FAM227A: variants seen among roughly 807,000 people sequenced by gnomAD.
FAM227A encodes the protein family with sequence similarity 227 member A, also known as protein FAM227A.
In FAM227A, 80 loss-of-function variants were observed where a neutral mutation model predicts 74.7. The ratio of observed to expected loss-of-function variants is 1.07; its 90% CI spans 0.89 to 1.29. The LOEUF is 1.29. FAM227A is among the 50% of genes most tolerant of loss of function. FAM227A has a pLI of 0.00. For synonymous variants in FAM227A, 237 were observed against 241.8 expected (o/e 0.98, Z 0.19); for missense variants, 654 against 683.4 (o/e 0.96, Z 0.48).
chr22:38,638,972 TATCTG>T, intron 4 of FAM227A, 150 bp from the exon 5 acceptor site: 1 of 564,754 alleles, frequency 1.8e-6, no homozygotes, highest in South Asian at 2.5e-5. Flanking sequence ...GTTGCCGACT[TATCTG>T]ATTAGACCAC....
intron 5 of FAM227A, among the ~76,000 whole-genome samples, chr22:38,637,038 A>G (rs1261313575): frequency 2.0e-5 from 3 of 152,112 alleles, no homozygotes; most frequent in Non-Finnish European, 4.4e-5. Context: ...TCAGCCTCCT[A>G]AAGTGCTATC....
chr22:38,639,791 G>T, intron 3 of FAM227A, 67 bp from the exon 4 acceptor site: 1 of 1,112,230 alleles, frequency 9.0e-7, no homozygotes. Flanking sequence ...GTGGGGTTAG[G>T]GTCTAGGCGT....
chr22:38,636,609 GAGC>G lies in FAM227A; in HGVS notation c.373-15_373-13del. 3 of 1,549,676 alleles carry G rather than the reference GAGC, an allele frequency of 1.9e-6. No individual in the cohort carries two copies. Among genetic ancestry groups the G allele is most frequent in the Non-Finnish European group, 2.6e-6 (3 of 1,146,126 alleles). On this transcript the variant is annotated splice_polypyrimidine_tract_variant and intron_variant, in intron 5 of 16. Transcript: ENST00000535113. ...TTATCTGCTGTTTTCTGAAGCAAAA[GAGC>G]AGAATATGAAAATGGGGTTCACATT...
At chr22:38,595,375 A>G (rs1159740953) in intron 15 of FAM227A, among the ~76,000 whole-genome samples, 1 of 152,214 alleles carries the variant, frequency 6.6e-6, no homozygotes, top group Non-Finnish European at 1.5e-5. Flanking sequence ...TGGCTCCATG[A>G]AAGAGTTATA....
At chr22:38,598,578 T>C (rs549626949) in intron 14 of FAM227A, among the ~76,000 whole-genome samples, 2 of 152,220 alleles carry the variant, frequency 1.3e-5, no homozygotes, top group Non-Finnish European at 1.5e-5. Context: ...TTTGCGGACA[T>C]GCAGTTCTGT....
At position 38,645,688 on chromosome 22, in the gene FAM227A, A is replaced by G. The variant is rs544596565; in HGVS notation, c.143-43T>C. 1.9e-5 allele frequency: 24 copies of G among 1,281,454 alleles called. No individual in the cohort carries two copies. In the African/African-American group the frequency reaches 3.3e-4, roughly 17 times the overall value. The allele number at this position is 1,281,454 out of a possible 1,614,324, so 79.4% of individuals were successfully genotyped here. On this transcript the variant is annotated intron_variant, in intron 2 of 16. Coordinates refer to ENST00000535113, the MANE Select transcript of FAM227A (RefSeq NM_001013647.2). ...TAAGGAAACTCAGGGTGATGATTAC[A>G]CACACAACAGGATGGGGCTTGTCTG... is the stretch of plus-strand genomic sequence containing the variant.
In FAM227A at chr22:38,583,620, G is replaced by T. The variant is rs1273058879; in HGVS notation, c.*2505C>A. On this transcript the variant is annotated 3_prime_UTR_variant, in exon 17 of 17. Coordinates refer to ENST00000535113, the MANE Select transcript of FAM227A (RefSeq NM_001013647.2). Reference sequence around the variant, plus strand: ...CCTAGGCAGGCATTCCCTTTCTGCAGTCAAGAAAGCACGTTCAGAAAGGTC... The same window carrying T: ...CCTAGGCAGGCATTCCCTTTCTGCATTCAAGAAAGCACGTTCAGAAAGGTC... The T allele has an allele frequency of 6.6e-6, 1 of 152,298 alleles. No homozygotes were observed. The highest frequency in any genetic ancestry group is 1.5e-5 in the Non-Finnish European group (1 of 68,126). 9.4% of individuals were successfully genotyped at this position (152,298 alleles called of 1,614,324 possible).
chr22:38,620,541 C>T (rs1011322197), intron 10 of FAM227A, among the ~76,000 whole-genome samples: 14 of 152,234 alleles, frequency 9.2e-5, no homozygotes, highest in African/African-American at 2.9e-4. Flanking sequence ...CGGTGGCTCA[C>T]GCCTGTAATC....
intron 2 of FAM227A, among the ~76,000 whole-genome samples, chr22:38,646,132 T>C (rs946702357): frequency 2.0e-5 from 3 of 151,486 alleles, no homozygotes; most frequent in African/African-American, 7.3e-5. Context: ...AAATTATAAA[T>C]GAGAGTTGAC....
chr22:38,611,956 G>A (rs1463988993), intron 11 of FAM227A, among the ~76,000 whole-genome samples: 3 of 152,120 alleles, frequency 2.0e-5, no homozygotes, highest in African/African-American at 7.2e-5. Context: ...GCACCATTCA[G>A]ATGCTGAAGC....
intron 11 of FAM227A, among the ~76,000 whole-genome samples, chr22:38,609,961 CAG>C (rs1491259068): frequency 6.6e-6 from 1 of 152,124 alleles, no homozygotes; most frequent in Non-Finnish European, 1.5e-5. Flanking sequence ...TTAGTAAAGA[CAG>C]GGTTTCGCCT....
At chr22:38,635,280 AGACAG>A in intron 6 of FAM227A, among the ~76,000 whole-genome samples, 1 of 148,122 alleles carries the variant, frequency 6.8e-6, no homozygotes, top group East Asian at 2.0e-4. Context: ...AAGGAGAGGG[AGACAG>A]AGATAGAGAG....
At chr22:38,609,868 T>A (rs2091374606) in intron 11 of FAM227A, among the ~76,000 whole-genome samples, 1 of 150,722 alleles carries the variant, frequency 6.6e-6, no homozygotes, top group Non-Finnish European at 1.5e-5. Flanking sequence ...GCTTCTCAGG[T>A]TCAAGTGATT....
chr22:38,586,669 A>T (rs1168871260), intron 16 of FAM227A, among the ~76,000 whole-genome samples: 1 of 151,946 alleles, frequency 6.6e-6, no homozygotes, highest in Non-Finnish European at 1.5e-5. Context: ...CATTACATTT[A>T]TTTTTTTCTT....
chr22:38,623,300 G>A (rs1020743826), intron 9 of FAM227A, 21 bp from the exon 10 acceptor site: 89 of 1,498,444 alleles, frequency 5.9e-5, no homozygotes, highest in Non-Finnish European at 8.0e-5. Context: ...AGTCAAGAGT[G>A]AGAATGGGGC....
At chr22:38,609,016 C>T (rs2091353324) in intron 11 of FAM227A, among the ~76,000 whole-genome samples, 1 of 151,900 alleles carries the variant, frequency 6.6e-6, no homozygotes, top group Non-Finnish European at 1.5e-5. Context: ...TGGTCTTGAA[C>T]TCCCAACCTC....
intron 15 of FAM227A, among the ~76,000 whole-genome samples, chr22:38,596,500 T>TGAGCTGCTGCACTGCA (rs1243335641): frequency 6.6e-6 from 1 of 152,140 alleles, no homozygotes; most frequent in Non-Finnish European, 1.5e-5. Flanking sequence ...AGGCTGTAAT[T>TGAGCTGCTGCACTGCA]GAGCTGCTGC....
chr22:38,591,741 A>G (rs1035819128), intron 15 of FAM227A, among the ~76,000 whole-genome samples: 1 of 152,192 alleles, frequency 6.6e-6, no homozygotes, highest in African/African-American at 2.4e-5. Context: ...CCATGTAACC[A>G]GCACTCGGAT....
chr22:38,651,859 A>G (rs939556265), intron 1 of FAM227A, among the ~76,000 whole-genome samples: 4 of 152,072 alleles, frequency 2.6e-5, no homozygotes, highest in African/African-American at 9.7e-5. Flanking sequence ...TGGAGCACAC[A>G]TTCTGGCAGT....
Sources: allele counts gnomAD v4.1 joint callset (sites outside exome capture counted in the v4.1 genomes callset), GRCh38; gene constraint gnomAD v4.1.1; transcripts MANE v1.5; gene names NCBI Gene and HGNC (gene_info 2026-07-23, HGNC 2026-07-21).